Variants in CXADR observed in about 807,000 individuals in gnomAD.
CXADR encodes CXADR cell adhesion molecule.
In CXADR, 20 loss-of-function variants were observed where a neutral mutation model predicts 40.3. That is an observed-to-expected ratio of 0.50 (90% confidence interval 0.35 to 0.72). CXADR has a LOEUF of 0.72. Among genes scored for constraint, CXADR ranks in the 30% least tolerant of loss-of-function variants. The pLI, the probability that CXADR is intolerant of heterozygous loss-of-function variation, is 0.01. For missense variants in CXADR, 332 were observed against 449.1 expected (o/e 0.74, Z 2.36); for synonymous variants, 150 against 161.3 (o/e 0.93, Z 0.53).
intron 3 of CXADR, among the ~76,000 whole-genome samples, chr21:17,553,820 T>C (rs2061000992): frequency 6.6e-6 from 1 of 152,038 alleles, no homozygotes. Context: ...GGTTTCACCA[T>C]GTTAGCCAGG....
chr21:17,590,865 G>T (rs545846051), intron 7 of CXADR, among the ~76,000 whole-genome samples: 1 of 151,936 alleles, frequency 6.6e-6, no homozygotes, highest in Non-Finnish European at 1.5e-5. Flanking sequence ...ACTCTACTGG[G>T]TTGTACTGTT....
intron 3 of CXADR, among the ~76,000 whole-genome samples, chr21:17,552,513 C>T (rs555012443): frequency 3.3e-5 from 5 of 152,272 alleles, no homozygotes; most frequent in African/African-American, 1.2e-4. Context: ...TTGTAAACTG[C>T]CAAAGACTAC....
downstream of CXADR, among the ~76,000 whole-genome samples, chr21:17,597,181 G>A (rs1181447981): frequency 6.6e-6 from 1 of 151,800 alleles, no homozygotes; most frequent in Non-Finnish European, 1.5e-5. Context: ...TCAACATGAG[G>A]GAAAATAAAT....
chr21:17,582,414 G>A (rs2061367919), intron 7 of CXADR, among the ~76,000 whole-genome samples: 1 of 152,062 alleles, frequency 6.6e-6, no homozygotes, highest in African/African-American at 2.4e-5. Context: ...TTATGGCTAT[G>A]TAATCTTAAT....
intron 1 of CXADR, among the ~76,000 whole-genome samples, chr21:17,514,787 C>G (rs2060439055): frequency 6.6e-6 from 1 of 151,970 alleles, no homozygotes; most frequent in South Asian, 2.1e-4. Flanking sequence ...GCACCCCCCA[C>G]CATGCCCGGC....
intron 1 of CXADR, among the ~76,000 whole-genome samples, chr21:17,537,570 C>G (rs934176161): frequency 9.9e-5 from 15 of 152,160 alleles, no homozygotes; most frequent in African/African-American, 3.6e-4. Flanking sequence ...TACAATGAGT[C>G]ATGATCTTTA....
At position 17,592,683 on chromosome 21, in the gene CXADR, G is replaced by A. The variant is rs78102604; in HGVS notation, c.1018-469G>A. Among the ~76,000 whole-genome samples the A allele has an allele frequency of 6.4e-3, 965 of 151,196 alleles. 57 individuals are homozygous for A. The East Asian group carries it at 0.13, about 21-fold the overall frequency. On this transcript the variant is annotated intron_variant, in intron 7 of 7. Coordinates refer to the CXADR transcript ENST00000400169. ...TTTGGTTAAAAAAAATTGATAAAAC[G>A]CATCTCCCTTGTGACACTAATAAAC...
downstream of CXADR, among the ~76,000 whole-genome samples, chr21:17,597,727 A>AG (rs1448047882): frequency 9.9e-5 from 3 of 30,296 alleles, no homozygotes; most frequent in African/African-American, 4.0e-4. Context: ...AATTCAACTG[A>AG]GAAAAAAATG....
rs901159270 is a variant in CXADR, at chr21:17,524,176, G to C, written c.43+11004G>C. Among the ~76,000 whole-genome samples, 9 of 152,054 alleles carry C rather than the reference G, an allele frequency of 5.9e-5. No individual in the cohort carries two copies. In the South Asian group the frequency reaches 1.9e-3, roughly 32 times the overall value. Reference sequence around the variant, plus strand: ...CCCAAAGTGCTGGGATTACACGTGTGAGCCACTGTGCCTGGCCTACATTGA... The same window carrying C: ...CCCAAAGTGCTGGGATTACACGTGTCAGCCACTGTGCCTGGCCTACATTGA... On this transcript the variant is annotated intron_variant, in intron 1 of 6. Transcript: ENST00000284878.
the CXADR span, among the ~76,000 whole-genome samples, chr21:17,599,906 A>T: frequency 6.6e-6 from 1 of 152,226 alleles, no homozygotes; most frequent in Admixed American, 6.5e-5. Flanking sequence ...ATACTCACAA[A>T]AATGAGAACT....
At chr21:17,556,054 A>C (rs553434121) in intron 3 of CXADR, among the ~76,000 whole-genome samples, 17 of 152,316 alleles carry the variant, frequency 1.1e-4, no homozygotes, top group African/African-American at 4.1e-4. Flanking sequence ...GTCCAACTAC[A>C]ACTTGATGGT....
At chr21:17,529,601 G>T (rs1266397327) in intron 1 of CXADR, among the ~76,000 whole-genome samples, 1 of 152,220 alleles carries the variant, frequency 6.6e-6, no homozygotes, top group Non-Finnish European at 1.5e-5. Flanking sequence ...GATTACAGGT[G>T]TGAGCCACTG....
chr21:17,587,777 T>C (rs1640586416), intron 7 of CXADR, among the ~76,000 whole-genome samples: 2 of 152,108 alleles, frequency 1.3e-5, no homozygotes, highest in Non-Finnish European at 2.9e-5. Flanking sequence ...TTTGTTGCCA[T>C]TGCTTTTGGT....
downstream of CXADR, among the ~76,000 whole-genome samples, chr21:17,597,371 T>TA: frequency 6.6e-6 from 1 of 151,962 alleles, no homozygotes; most frequent in East Asian, 1.9e-4. Flanking sequence ...TTGCAATATA[T>TA]AATCCATCAC....
At chr21:17,577,122 A>T (rs1430198701) in intron 7 of CXADR, among the ~76,000 whole-genome samples, 2 of 152,084 alleles carry the variant, frequency 1.3e-5, no homozygotes, top group African/African-American at 4.8e-5. Context: ...TCTGCACTTC[A>T]GTCTGGGCTA....
chr21:17,600,874 G>C, the CXADR span, among the ~76,000 whole-genome samples: 2 of 151,862 alleles, frequency 1.3e-5, no homozygotes, highest in East Asian at 3.9e-4. Context: ...CATAAAAGTT[G>C]CTACAGGGGC....
intron 7 of CXADR, among the ~76,000 whole-genome samples, chr21:17,576,433 G>C (rs1482673872): frequency 6.6e-6 from 1 of 152,098 alleles, no homozygotes; most frequent in Non-Finnish European, 1.5e-5. Flanking sequence ...TGGGATTGCT[G>C]TTTACATATG....
At chr21:17,580,579 C>T (rs148747717) in intron 7 of CXADR, among the ~76,000 whole-genome samples, 3 of 152,168 alleles carry the variant, frequency 2.0e-5, no homozygotes, top group Admixed American at 6.5e-5. Flanking sequence ...TACTGAACTC[C>T]GGCCTGGGTG....
intron 1 of CXADR, chr21:17,519,000 G>C: frequency 6.2e-7 from 1 of 1,606,060 alleles, no homozygotes; most frequent in Non-Finnish European, 8.5e-7. Flanking sequence ...TCATGCTGTT[G>C]GTAAATCTGA....
Sources: gnomAD v4.1 joint callset for allele counts (sites outside exome capture counted in the v4.1 genomes callset) on GRCh38, gnomAD v4.1.1 for gene constraint, MANE v1.5 for transcripts, NCBI Gene and HGNC (gene_info 2026-07-23, HGNC 2026-07-21) for gene names.